Variants in PRRX1 observed in about 807,000 individuals in gnomAD.
The protein encoded by PRRX1 is paired mesoderm homeobox protein 1.
In PRRX1, 8 loss-of-function variants were observed where a neutral mutation model predicts 24.0. The ratio of observed to expected loss-of-function variants is 0.33; its 90% CI spans 0.20 to 0.60. The LOEUF is 0.60. Ranked by LOEUF, PRRX1 falls within the 20% of genes least tolerant of loss-of-function variation. PRRX1 has a pLI of 0.82. For synonymous variants in PRRX1, 160 were observed against 131.7 expected (o/e 1.22, Z -1.47); for missense variants, 281 against 322.4 (o/e 0.87, Z 0.98).
At chr1:170,675,901 AG>A (rs1006295292) in intron 1 of PRRX1, among the ~76,000 whole-genome samples, 2 of 152,162 alleles carry the variant, frequency 1.3e-5, no homozygotes, top group Non-Finnish European at 2.9e-5. Context: ...GGGAGAAGAG[AG>A]AGAGTAAACA....
At chr1:170,726,111 T>C in intron 2 of PRRX1, 109 bp from the exon 3 acceptor site, 1 of 1,078,304 alleles carries the variant, frequency 9.3e-7, no homozygotes, top group South Asian at 1.4e-5. Context: ...ATATCTTCTT[T>C]GGGAAGGCAT....
chr1:170,683,362 G>A (rs770012803), intron 1 of PRRX1, among the ~76,000 whole-genome samples: 1 of 152,166 alleles, frequency 6.6e-6, no homozygotes, highest in Non-Finnish European at 1.5e-5. Flanking sequence ...CGGAGCCAGC[G>A]GAGTTTAGCA....
At chr1:170,708,990 C>T (rs1251806444) in intron 1 of PRRX1, among the ~76,000 whole-genome samples, 1 of 152,106 alleles carries the variant, frequency 6.6e-6, no homozygotes, top group African/African-American at 2.4e-5. Context: ...CAGAGTCTAA[C>T]ATATTAATTT....
chr1:170,677,976 T>A (rs970389788), intron 1 of PRRX1, among the ~76,000 whole-genome samples: 2 of 152,194 alleles, frequency 1.3e-5, no homozygotes, highest in South Asian at 4.1e-4. Context: ...GCTAGTAAAT[T>A]TCTGGAGGCC....
chr1:170,713,274 C>T (rs1056552674), intron 1 of PRRX1, among the ~76,000 whole-genome samples: 2 of 152,036 alleles, frequency 1.3e-5, no homozygotes, highest in Non-Finnish European at 1.5e-5. Context: ...CCACATAATG[C>T]GGTGGGGTGG....
chr1:170,708,144 T>C (rs1654625378), intron 1 of PRRX1, among the ~76,000 whole-genome samples: 1 of 152,234 alleles, frequency 6.6e-6, no homozygotes, highest in Admixed American at 6.5e-5. Context: ...GATGAGGATT[T>C]GGAAGTGCTG....
chr1:170,681,475 G>T (rs1558046506), intron 1 of PRRX1, among the ~76,000 whole-genome samples: 1 of 144,616 alleles, frequency 6.9e-6, no homozygotes, highest in Non-Finnish European at 1.5e-5. Context: ...AGATAATCCT[G>T]CAGAAAATGT....
intron 1 of PRRX1, among the ~76,000 whole-genome samples, chr1:170,696,734 A>G (rs1211146700): frequency 6.6e-6 from 1 of 152,208 alleles, no homozygotes; most frequent in Non-Finnish European, 1.5e-5. Context: ...CTTTGCTTCT[A>G]AGCACAGCCT....
intron 1 of PRRX1, among the ~76,000 whole-genome samples, chr1:170,681,424 C>T (rs1571318845): frequency 2.6e-5 from 4 of 151,674 alleles, no homozygotes; most frequent in African/African-American, 9.7e-5. Context: ...ACTCTTGTAA[C>T]TGTGGTACCT....
intron 1 of PRRX1, among the ~76,000 whole-genome samples, chr1:170,693,854 A>G (rs550363470): frequency 1.4e-4 from 21 of 152,128 alleles, no homozygotes; most frequent in Admixed American, 2.6e-4. Flanking sequence ...CGGCAAGGCA[A>G]TGGGTCTGCA....
chr1:170,732,132 AT>A (rs1655455674), intron 3 of PRRX1, among the ~76,000 whole-genome samples: 1 of 152,180 alleles, frequency 6.6e-6, no homozygotes, highest in Non-Finnish European at 1.5e-5. Flanking sequence ...CTTAGCTTCA[AT>A]CTCACCATTT....
rs139464729 is a variant in PRRX1, at chr1:170,682,467, T to A, written c.241+18008T>A. Among the ~76,000 whole-genome samples the A allele has an allele frequency of 2.7e-4, 41 of 152,268 alleles. 1 individual carries two copies. The highest frequency in any genetic ancestry group is 9.6e-4 in the African/African-American group (40 of 41,576). ...GAAATAAGGTACTGAATTATCATCA[T>A]CTAGGCAAACACTCCATAAACTCTG... On this transcript the variant is annotated intron_variant, in intron 1 of 3. Coordinates refer to ENST00000239461, the MANE Select transcript of PRRX1 (RefSeq NM_022716.4).
intron 1 of PRRX1, among the ~76,000 whole-genome samples, chr1:170,690,238 T>C (rs569579036): frequency 7.2e-5 from 11 of 152,134 alleles, no homozygotes; most frequent in Admixed American, 4.6e-4. Flanking sequence ...GAGCTTATAG[T>C]TTAGCAGAGA....
intron 1 of PRRX1, among the ~76,000 whole-genome samples, chr1:170,695,902 T>A (rs1342467196): frequency 6.6e-6 from 1 of 152,202 alleles, no homozygotes; most frequent in African/African-American, 2.4e-5. Context: ...GCATAGCACA[T>A]GCTTGGAGCA....
At chr1:170,683,597 G>T (rs1022727491) in intron 1 of PRRX1, among the ~76,000 whole-genome samples, 2 of 152,194 alleles carry the variant, frequency 1.3e-5, no homozygotes, top group African/African-American at 4.8e-5. Flanking sequence ...AGTGGGGTAT[G>T]AAATAGGAGC....
At chr1:170,676,163 A>C (rs1486179633) in intron 1 of PRRX1, among the ~76,000 whole-genome samples, 1 of 152,182 alleles carries the variant, frequency 6.6e-6, no homozygotes, top group African/African-American at 2.4e-5. Context: ...TTTGCTAGCC[A>C]TATTTCAAAG....
chr1:170,677,781 A>G (rs141795386), intron 1 of PRRX1, among the ~76,000 whole-genome samples: 42 of 152,356 alleles, frequency 2.8e-4, no homozygotes, highest in Non-Finnish European at 4.6e-4. Context: ...TCAGCGTGAA[A>G]CAATAACACA....
chr1:170,706,635 T>A (rs1305975515), intron 1 of PRRX1, among the ~76,000 whole-genome samples: 1 of 152,092 alleles, frequency 6.6e-6, no homozygotes, highest in Non-Finnish European at 1.5e-5. Context: ...TTGCTGAAAA[T>A]GTGGGAAAGA....
In PRRX1 at chr1:170,688,732, T is replaced by C. The variant is rs188055834; in HGVS notation, c.241+24273T>C. Reference sequence around the variant, plus strand: ...AACTTTACTATGTTGTACTGATTTTTGCACCCATTTAATTGTGACACTTGA... The same window carrying C: ...AACTTTACTATGTTGTACTGATTTTCGCACCCATTTAATTGTGACACTTGA... On this transcript the variant is annotated intron_variant, in intron 1 of 3. Transcript: ENST00000239461. 1.5e-3 allele frequency among the ~76,000 whole-genome samples: 230 copies of C among 152,296 alleles called. 1 individual carries two copies. Among genetic ancestry groups the C allele is most frequent in the African/African-American group, 5.5e-3 (227 of 41,584 alleles).
Sources: gnomAD v4.1 joint callset for allele counts (sites outside exome capture counted in the v4.1 genomes callset) on GRCh38, gnomAD v4.1.1 for gene constraint, MANE v1.5 for transcripts, NCBI Gene and HGNC (gene_info 2026-07-23, HGNC 2026-07-21) for gene names.